Variants in CBLB observed in about 807,000 individuals in gnomAD.
The protein encoded by CBLB is Cbl proto-oncogene B, also known as E3 ubiquitin-protein ligase CBL-B.
Under a neutral mutation model 104.9 loss-of-function variants are expected in CBLB, and 31 were observed. That is an observed-to-expected ratio of 0.30 (90% CI 0.22 to 0.40). CBLB has a LOEUF of 0.40. CBLB is among the 10% of genes least tolerant of loss of function. The pLI, the probability that CBLB is intolerant of heterozygous loss-of-function variation, is 1.00. For synonymous variants in CBLB, 440 were observed against 422.6 expected, an observed-to-expected ratio of 1.04 and a Z score of -0.51; for missense variants, 1,062 against 1,214.6, an observed-to-expected ratio of 0.87 and a Z score of 1.87.
chr3:105,691,359 A>T (rs1333014079), intron 13 of CBLB, among the ~76,000 whole-genome samples: 2 of 152,226 alleles, frequency 1.3e-5, no homozygotes, highest in Non-Finnish European at 2.9e-5. Flanking sequence ...ATCAAGAGTA[A>T]ATAGGGAGAA....
intron 9 of CBLB, among the ~76,000 whole-genome samples, chr3:105,727,552 T>C (rs1463266696): frequency 2.0e-5 from 3 of 152,210 alleles, no homozygotes; most frequent in Non-Finnish European, 4.4e-5. Flanking sequence ...TTTAATTAGA[T>C]CTCATTTGTC....
chr3:105,770,860 C>T (rs1326373206), intron 4 of CBLB, among the ~76,000 whole-genome samples: 5 of 152,140 alleles, frequency 3.3e-5, no homozygotes, highest in Non-Finnish European at 5.9e-5. Context: ...GTAAGGTTTA[C>T]TGCCACCCAA....
intron 3 of CBLB, among the ~76,000 whole-genome samples, chr3:105,842,986 G>A (rs932631024): frequency 1.2e-4 from 18 of 152,296 alleles, no homozygotes; most frequent in African/African-American, 3.6e-4. Flanking sequence ...AAGGGTTGGC[G>A]AAGGACCACC....
At chr3:105,784,625 T>C (rs1017979869) in intron 3 of CBLB, among the ~76,000 whole-genome samples, 8 of 152,208 alleles carry the variant, frequency 5.3e-5, no homozygotes, top group African/African-American at 1.9e-4. Flanking sequence ...TATTTATTGC[T>C]TCTGATCCTC....
chr3:105,853,178 C>T (rs992693241), intron 3 of CBLB, among the ~76,000 whole-genome samples: 5 of 152,096 alleles, frequency 3.3e-5, no homozygotes, highest in African/African-American at 1.2e-4. Flanking sequence ...CCTAGGTGTG[C>T]GGTAGGTAAT....
chr3:105,656,858 A>G lies in CBLB; in HGVS notation c.*2112T>C, dbSNP rs1301068062. Reference sequence around the variant, plus strand: ...CATCAGCAATCATAAAAAGGCCAAAATAAACAGTGCTATTCCAAGGTGACA... The same window carrying G: ...CATCAGCAATCATAAAAAGGCCAAAGTAAACAGTGCTATTCCAAGGTGACA... On this transcript the variant is annotated 3_prime_UTR_variant, in exon 19 of 19. Transcript: ENST00000394030. 1.4e-5 allele frequency: 3 copies of G among 208,936 alleles called. No individual in the cohort carries two copies. The highest frequency in any genetic ancestry group is 2.9e-5 in the Non-Finnish European group (3 of 102,794). The allele number at this position is 208,936 out of a possible 1,614,324, so 12.9% of individuals were successfully genotyped here.
chr3:105,668,956 C>T (rs945624174), intron 18 of CBLB, among the ~76,000 whole-genome samples: 2 of 152,164 alleles, frequency 1.3e-5, no homozygotes, highest in Non-Finnish European at 2.9e-5. Flanking sequence ...TATAGGAAAA[C>T]TTCTGATATT....
chr3:105,738,751 T>C (rs1027982006), intron 7 of CBLB, among the ~76,000 whole-genome samples: 4 of 152,052 alleles, frequency 2.6e-5, no homozygotes, highest in African/African-American at 9.7e-5. Context: ...TCAAAATCTA[T>C]ACACAAAGCT....
intron 3 of CBLB, among the ~76,000 whole-genome samples, chr3:105,829,074 A>C (rs2087022542): frequency 6.6e-6 from 1 of 151,992 alleles, no homozygotes; most frequent in Non-Finnish European, 1.5e-5. Context: ...ATTCATTAAC[A>C]ATCAATTTTG....
intron 9 of CBLB, among the ~76,000 whole-genome samples, chr3:105,727,947 C>A (rs148769222): frequency 0.013 from 1,912 of 152,206 alleles, 40 homozygotes; most frequent in African/African-American, 0.044. Flanking sequence ...TTACTGTAGC[C>A]TTGCAGTATA....
intron 4 of CBLB, among the ~76,000 whole-genome samples, chr3:105,765,879 T>C (rs960033688): frequency 3.3e-5 from 5 of 152,230 alleles, no homozygotes. Flanking sequence ...CAAGGAGCCA[T>C]TTTGACTTTC....
chr3:105,672,761 T>C (rs1293355384), intron 17 of CBLB: 1 of 152,062 alleles, frequency 6.6e-6, no homozygotes, highest in Non-Finnish European at 1.5e-5. Flanking sequence ...ACTGAAAATT[T>C]AGTACTTATT....
chr3:105,761,874 T>C (rs767202637), intron 4 of CBLB, among the ~76,000 whole-genome samples: 100 of 152,294 alleles, frequency 6.6e-4, no homozygotes, highest in Middle Eastern at 3.4e-3. Context: ...AGACACTTGT[T>C]GAATGGTTTT....
intron 3 of CBLB, among the ~76,000 whole-genome samples, chr3:105,806,913 A>G (rs543751357): frequency 1.3e-5 from 2 of 152,330 alleles, no homozygotes; most frequent in Admixed American, 1.3e-4. Context: ...AAATTTTTTA[A>G]GCAATTCATT....
chr3:105,751,314 A>G, intron 5 of CBLB, 148 bp downstream of exon 5: 2 of 714,612 alleles, frequency 2.8e-6, no homozygotes, highest in South Asian at 3.3e-5. Flanking sequence ...CATACCAATA[A>G]AATTACAGAC....
intron 4 of CBLB, among the ~76,000 whole-genome samples, chr3:105,775,165 C>T (rs994923545): frequency 6.6e-6 from 1 of 152,066 alleles, no homozygotes; most frequent in Non-Finnish European, 1.5e-5. Flanking sequence ...CACAGAATTT[C>T]CATGTTAATG....
Position 105,704,078 on chromosome 3 carries a change from A to G in CBLB, c.1503T>C (p.His501=), listed in dbSNP as rs1441062284. 6.2e-7 allele frequency: 1 copy of G among 1,614,056 alleles called. No individual in the cohort carries two copies. ...GAGGAGGCACGGGTGGCAGGCTTAG[A>G]TGTGGGATCTGGAGTGGGTCAGGCT... ...KPQPDPLQIP[H]LSLPPVPPRL... Residue 501 remains histidine, a synonymous_variant, in exon 11 of 19, where the codon CAT becomes CAC. Coordinates refer to ENST00000394030, the MANE Select transcript of CBLB (RefSeq NM_170662.5).
At chr3:105,795,694 T>C (rs2082179440) in intron 3 of CBLB, among the ~76,000 whole-genome samples, 1 of 152,180 alleles carries the variant, frequency 6.6e-6, no homozygotes. Context: ...CTTATGGTTT[T>C]TTGTTTTTCA....
intron 3 of CBLB, among the ~76,000 whole-genome samples, chr3:105,815,296 G>GA (rs2084880878): frequency 6.6e-6 from 1 of 152,136 alleles, no homozygotes; most frequent in Non-Finnish European, 1.5e-5. Flanking sequence ...TGTTCTTTTA[G>GA]AATGTAGTAG....
Sources: gnomAD v4.1 joint callset for allele counts (sites outside exome capture counted in the v4.1 genomes callset) on GRCh38, gnomAD v4.1.1 for gene constraint, MANE v1.5 for transcripts, NCBI Gene and HGNC (gene_info 2026-07-23, HGNC 2026-07-21) for gene names.